Variants in DEFB119 observed in about 807,000 individuals in gnomAD.
DEFB119 encodes defensin beta 119, also known as beta-defensin 119.
Under a neutral mutation model 2.5 loss-of-function variants are expected in DEFB119, and 3 were observed. That is an observed-to-expected ratio of 1.19 (90% CI 0.54 to 3.07). The LOEUF is 3.07. Ranked by LOEUF, DEFB119 falls within the 30% of genes most tolerant of loss-of-function variation. DEFB119 has a pLI of 0.03. For synonymous variants in DEFB119, 29 were observed against 33.7 expected (o/e 0.86, Z 0.48); for missense variants, 113 against 101.1 (o/e 1.12, Z -0.50).
chr20:31,382,027 T>G (rs143648404), intron 1 of DEFB119, among the ~76,000 whole-genome samples: 323 of 152,280 alleles, frequency 2.1e-3, no homozygotes, highest in African/African-American at 7.1e-3. Flanking sequence ...ATCTTCGTGG[T>G]GATGGAACAG....
At chr20:31,381,791 A>G (rs1361490769) in intron 1 of DEFB119, among the ~76,000 whole-genome samples, 1 of 151,816 alleles carries the variant, frequency 6.6e-6, no homozygotes, top group African/African-American at 2.4e-5. Context: ...AGCCTGGGCG[A>G]CAGAGCCAGA....
intron 1 of DEFB119, among the ~76,000 whole-genome samples, chr20:31,381,441 A>G (rs1213744388): frequency 1.3e-5 from 2 of 152,126 alleles, no homozygotes; most frequent in Non-Finnish European, 2.9e-5. Context: ...CTTTTCTTGC[A>G]TTAATGCAAT....
chr20:31,378,161 C>A (rs1486942126), intron 1 of DEFB119, among the ~76,000 whole-genome samples: 1 of 152,154 alleles, frequency 6.6e-6, no homozygotes, highest in Non-Finnish European at 1.5e-5. Flanking sequence ...AGAAGGCATC[C>A]CTCCCTCCAC....
In DEFB119 at chr20:31,377,255, T is replaced by C; in HGVS notation, c.246A>G (p.Arg82=). ...TDWSYEKQWP[R]LP ...TGGTAATCACCAGCACTCAAGGTAG[T>C]CTTGGCCACTGCTTCTCATAAGACC... is the stretch of plus-strand genomic sequence containing the variant. Residue 82 remains arginine, a synonymous_variant, in exon 2 of 2, where the codon AGA becomes AGG. Coordinates refer to ENST00000376321, the MANE Select transcript of DEFB119 (RefSeq NM_153289.4). 6.2e-7 allele frequency: 1 copy of C among 1,612,218 alleles called. No individual in the cohort carries two copies. The highest frequency in any genetic ancestry group is 8.5e-7 in the Non-Finnish European group (1 of 1,179,132).
intron 1 of DEFB119, among the ~76,000 whole-genome samples, chr20:31,383,938 T>G (rs1235147179): frequency 6.6e-6 from 1 of 152,202 alleles, no homozygotes. Flanking sequence ...CCTGCCATCA[T>G]GTAAAATGTG....
intron 1 of DEFB119, among the ~76,000 whole-genome samples, chr20:31,389,595 G>A (rs910676365): frequency 2.0e-5 from 3 of 152,078 alleles, no homozygotes; most frequent in Non-Finnish European, 4.4e-5. Context: ...ATTAGGGAAC[G>A]AAGAGGATTC....
intron 1 of DEFB119, among the ~76,000 whole-genome samples, chr20:31,389,429 C>A (rs117802888): frequency 6.6e-6 from 1 of 152,116 alleles, no homozygotes; most frequent in Non-Finnish European, 1.5e-5. Context: ...CAACTGAGAG[C>A]TCCGAAGTTT....
intron 1 of DEFB119, chr20:31,388,064 C>T (rs1986778871): frequency 2.0e-6 from 2 of 985,318 alleles, no homozygotes; most frequent in African/African-American, 1.7e-5. Flanking sequence ...GAAAAACTAA[C>T]TGTGTTGGTT....
intron 1 of DEFB119, chr20:31,388,435 G>T: frequency 2.2e-6 from 1 of 461,412 alleles, no homozygotes; most frequent in Non-Finnish European, 2.9e-6. Flanking sequence ...TGCAGAGTCT[G>T]CCAGTAGTAA....
intron 1 of DEFB119, chr20:31,388,968 C>A: frequency 6.3e-7 from 1 of 1,591,260 alleles, no homozygotes; most frequent in East Asian, 2.3e-5. Flanking sequence ...ACACCAGAAA[C>A]AAATTTGTGA....
chr20:31,388,414 A>C (rs1306311365), intron 1 of DEFB119: 5 of 729,868 alleles, frequency 6.9e-6, no homozygotes, highest in African/African-American at 3.8e-5. Flanking sequence ...TGAAGTTCTG[A>C]GAGGTTTATA....
At chr20:31,386,810 CTTTTTT>C (rs148428945) in intron 1 of DEFB119, among the ~76,000 whole-genome samples, 1 of 108,904 alleles carries the variant, frequency 9.2e-6, no homozygotes, top group Admixed American at 1.0e-4. Flanking sequence ...TTTTCTTTTT[CTTTTTT>C]TTTTTTTTTT....
At chr20:31,377,956 A>G (rs1986361823) in intron 1 of DEFB119, among the ~76,000 whole-genome samples, 2 of 152,184 alleles carry the variant, frequency 1.3e-5, no homozygotes, top group Non-Finnish European at 2.9e-5. Context: ...CCACTCATAC[A>G]TCCACCAAAG....
intron 1 of DEFB119, among the ~76,000 whole-genome samples, chr20:31,386,775 C>T (rs1986716038): frequency 6.7e-6 from 1 of 149,402 alleles, no homozygotes; most frequent in Non-Finnish European, 1.5e-5. Context: ...AGTTAACAAT[C>T]ATTTATTGCG....
intron 1 of DEFB119, among the ~76,000 whole-genome samples, chr20:31,378,751 A>G (rs1436937249): frequency 6.6e-6 from 1 of 152,208 alleles, no homozygotes; most frequent in Non-Finnish European, 1.5e-5. Flanking sequence ...CCCCAAAAGG[A>G]AATGTTTTTG....
intron 1 of DEFB119, chr20:31,389,065 G>GTGGA (rs1471275839): frequency 6.2e-7 from 1 of 1,614,062 alleles, no homozygotes; most frequent in East Asian, 2.2e-5. Context: ...TGGAGCTGTT[G>GTGGA]TGGACATCTG....
At chr20:31,377,571 C>G (rs993877219) in intron 1 of DEFB119, 132 bp from the exon 2 acceptor site, 2 of 1,006,620 alleles carry the variant, frequency 2.0e-6, no homozygotes, top group African/African-American at 3.3e-5. Flanking sequence ...ACTTCTACTT[C>G]CAGAAAAAAA....
chr20:31,384,984 T>G (rs771813292), intron 1 of DEFB119, among the ~76,000 whole-genome samples: 13 of 152,140 alleles, frequency 8.5e-5, no homozygotes, highest in Admixed American at 2.0e-4. Flanking sequence ...ACTTCAAAAA[T>G]AAAAGAAAAG....
At chr20:31,377,630 C>T (rs968846999) in intron 1 of DEFB119, among the ~76,000 whole-genome samples, 191 bp from the exon 2 acceptor site, 1 of 150,282 alleles carries the variant, frequency 6.7e-6, no homozygotes, top group African/African-American at 2.5e-5. Context: ...CGGTTTAAAA[C>T]CCTGGGTCTG....
Sources: gnomAD v4.1 joint callset for allele counts (sites outside exome capture counted in the v4.1 genomes callset) on GRCh38, gnomAD v4.1.1 for gene constraint, MANE v1.5 for transcripts, NCBI Gene and HGNC (gene_info 2026-07-23, HGNC 2026-07-21) for gene names.